The following KIAA0930 variants were observed in gnomAD, a reference collection of about 807,000 sequenced individuals.
KIAA0930 encodes uncharacterized protein KIAA0930.
Under a neutral mutation model 43.9 loss-of-function variants are expected in KIAA0930, and 24 were observed. That is an observed-to-expected ratio of 0.55 (90% CI 0.40 to 0.77). KIAA0930 has a LOEUF of 0.77. Ranked by LOEUF, KIAA0930 falls within the 30% of genes least tolerant of loss-of-function variation. The pLI, the probability that KIAA0930 is intolerant of heterozygous loss-of-function variation, is 0.00. For synonymous variants in KIAA0930, 259 were observed against 216.4 expected (o/e 1.20, Z -1.73); for missense variants, 461 against 574.2 (o/e 0.80, Z 2.02).
At chr22:45,208,519 C>T (rs1405091046) in intron 2 of KIAA0930, among the ~76,000 whole-genome samples, 3 of 131,196 alleles carry the variant, frequency 2.3e-5, no homozygotes, top group African/African-American at 8.0e-5. Flanking sequence ...CAGAACCCAC[C>T]GACTCCACAT....
At chr22:45,224,763 G>A (rs1033135232) in intron 1 of KIAA0930, among the ~76,000 whole-genome samples, 4 of 152,148 alleles carry the variant, frequency 2.6e-5, no homozygotes, top group Non-Finnish European at 4.4e-5. Context: ...GGCATTCAAC[G>A]CTCCCCTTGG....
chr22:45,200,061 A>G, intron 7 of KIAA0930, 26 bp from the exon 8 acceptor site: 1 of 1,576,718 alleles, frequency 6.3e-7, no homozygotes, highest in African/African-American at 1.4e-5. Flanking sequence ...CAAAGTCACC[A>G]GAGTAGCAGA....
At chr22:45,199,375 T>C (rs972834371) in intron 8 of KIAA0930, among the ~76,000 whole-genome samples, 2 of 151,844 alleles carry the variant, frequency 1.3e-5, no homozygotes, top group Non-Finnish European at 2.9e-5. Context: ...GCCCCGGGGG[T>C]AGGCTGCACG....
intron 2 of KIAA0930, among the ~76,000 whole-genome samples, chr22:45,206,541 C>T (rs2147742393): frequency 6.6e-6 from 1 of 152,336 alleles, no homozygotes; most frequent in Non-Finnish European, 1.5e-5. Context: ...CTGGGCTACA[C>T]ATTTTACAAA....
intron 2 of KIAA0930, chr22:45,211,522 T>A: frequency 2.3e-6 from 1 of 444,156 alleles, no homozygotes; most frequent in Admixed American, 3.8e-5. Flanking sequence ...TGTGTCTAGA[T>A]GATGGCGAGG....
rs946840693 is a variant in KIAA0930, at chr22:45,195,447, A to T, written c.*1729T>A. The T allele has an allele frequency of 6.6e-6, 1 of 152,280 alleles. No individual in the cohort carries two copies. The highest frequency in any genetic ancestry group is 2.4e-5 in the African/African-American group (1 of 41,456). The allele number at this position is 152,280 out of a possible 1,614,324, so 9.4% of individuals were successfully genotyped here. On this transcript the variant is annotated 3_prime_UTR_variant, in exon 10 of 10. Transcript: ENST00000336156. ...TGGAAGCAGCATTTGGCATCCCCGG[A>T]GAGCACTCAAATGGGGCTGGACCAT... is the stretch of plus-strand genomic sequence containing the variant.
intron 1 of KIAA0930, among the ~76,000 whole-genome samples, 166 bp downstream of exon 1, chr22:45,240,474 T>C (rs1384360675): frequency 8.1e-6 from 1 of 122,756 alleles, no homozygotes; most frequent in African/African-American, 3.0e-5. Flanking sequence ...GCAGGGACGG[T>C]GGGGGGGGGG....
intron 7 of KIAA0930, 90 bp downstream of exon 7, chr22:45,202,900 T>C: frequency 9.0e-7 from 1 of 1,116,976 alleles, no homozygotes; most frequent in Non-Finnish European, 1.3e-6. Context: ...TGACAACACC[T>C]ATGTCCCCAG....
chr22:45,202,798 T>TTCTACAAA, intron 7 of KIAA0930, 192 bp downstream of exon 7: 2 of 526,008 alleles, frequency 3.8e-6, no homozygotes, highest in Non-Finnish European at 6.6e-6. Context: ...CCTGCGGCAG[T>TTCTACAAA]GCCTCCTACA....
Position 45,194,793 on chromosome 22 carries a change from G to A in KIAA0930, c.*2383C>T, listed in dbSNP as rs1048232288. 1 of 152,238 alleles carries A rather than the reference G, an allele frequency of 6.6e-6. No individual in the cohort carries two copies. Among genetic ancestry groups the A allele is most frequent in the African/African-American group, 2.4e-5 (1 of 41,452 alleles). 9.4% of individuals were successfully genotyped at this position (152,238 alleles called of 1,614,324 possible). Reference sequence around the variant, plus strand: ...GCCTGAGAAAGGCAGACTCCACCGAGTGTCTGTCCATCTGTCCGGACAGCA... The same window carrying A: ...GCCTGAGAAAGGCAGACTCCACCGAATGTCTGTCCATCTGTCCGGACAGCA... On this transcript the variant is annotated 3_prime_UTR_variant, in exon 10 of 10. Coordinates refer to ENST00000336156, the MANE Select transcript of KIAA0930 (RefSeq NM_001009880.2).
intron 1 of KIAA0930, chr22:45,226,370 C>T (rs566533486): frequency 1.5e-5 from 7 of 470,482 alleles, no homozygotes; most frequent in Admixed American, 9.4e-5. Flanking sequence ...CTGCCCCAGG[C>T]GCTGCATGAG....
intron 1 of KIAA0930, among the ~76,000 whole-genome samples, chr22:45,218,304 T>G (rs937093349): frequency 6.7e-6 from 1 of 149,668 alleles, no homozygotes; most frequent in South Asian, 2.1e-4. Context: ...ATTACAGGCA[T>G]GCACCATCAC....
At chr22:45,228,414 C>G (rs1164145662) in intron 1 of KIAA0930, among the ~76,000 whole-genome samples, 1 of 152,158 alleles carries the variant, frequency 6.6e-6, no homozygotes, top group Non-Finnish European at 1.5e-5. Flanking sequence ...GCGCTGCCAC[C>G]TGTCACAGCA....
At chr22:45,213,160 G>A (rs566726498) in intron 1 of KIAA0930, among the ~76,000 whole-genome samples, 47 of 152,232 alleles carry the variant, frequency 3.1e-4, no homozygotes, top group Admixed American at 9.2e-4. Flanking sequence ...CCAGGACTCG[G>A]CCACTAGCTG....
intron 1 of KIAA0930, among the ~76,000 whole-genome samples, chr22:45,231,572 C>G (rs1274436904): frequency 1.3e-5 from 2 of 152,244 alleles, no homozygotes; most frequent in African/African-American, 4.8e-5. Flanking sequence ...TCCCAAGAGT[C>G]AGATCAACCC....
intron 2 of KIAA0930, among the ~76,000 whole-genome samples, chr22:45,208,556 C>CA (rs1569075768): frequency 3.9e-5 from 6 of 152,154 alleles, no homozygotes; most frequent in Non-Finnish European, 5.9e-5. Flanking sequence ...CAGGCAGAAC[C>CA]CGCCCGGGAA....
At chr22:45,207,754 C>G (rs1238808520) in intron 2 of KIAA0930, 2 of 169,554 alleles carry the variant, frequency 1.2e-5, no homozygotes, top group Admixed American at 6.5e-5. Context: ...CCTGCACCCC[C>G]CAAAGGCAGA....
chr22:45,198,061 C>G, intron 8 of KIAA0930, 113 bp from the exon 9 acceptor site: 1 of 1,020,086 alleles, frequency 9.8e-7, no homozygotes, highest in South Asian at 1.5e-5. Flanking sequence ...CCAGGACGCT[C>G]CTTACCAACA....
rs574882643 is a variant in KIAA0930 at position 45,205,548 on chromosome 22, A to G, written c.414+82T>C. ...CCCCTCACCTCCAGGGCAGAGAAGCAAGCAGGAGGACTTGTCTCTCTCTGC... is the reference window on the plus strand; with the variant it reads ...CCCCTCACCTCCAGGGCAGAGAAGCGAGCAGGAGGACTTGTCTCTCTCTGC... On this transcript the variant is annotated intron_variant, in intron 4 of 9. Transcript: ENST00000336156. 9 of 1,350,422 alleles carry G rather than the reference A, an allele frequency of 6.7e-6. No homozygotes were observed. In the South Asian group the frequency reaches 9.5e-5, roughly 14 times the overall value. The allele number at this position is 1,350,422 out of a possible 1,614,324, so 83.7% of individuals were successfully genotyped here.
Sources: gnomAD v4.1 joint callset for allele counts (sites outside exome capture counted in the v4.1 genomes callset) on GRCh38, gnomAD v4.1.1 for gene constraint, MANE v1.5 for transcripts, NCBI Gene and HGNC (gene_info 2026-07-23, HGNC 2026-07-21) for gene names.